Variants in NGEF observed in about 807,000 individuals in gnomAD.
NGEF encodes neuronal guanine nucleotide exchange factor.
A neutral mutation model predicts 80.9 loss-of-function variants in NGEF; 31 were observed. The observed-to-expected ratio is 0.38, with a 90% CI of 0.29 to 0.52. NGEF has a LOEUF of 0.52. Among genes scored for constraint, NGEF ranks in the 20% least tolerant of loss-of-function variants. The pLI, the probability that NGEF is intolerant of heterozygous loss-of-function variation, is 0.84. For missense variants in NGEF, 709 were observed against 926.2 expected, an observed-to-expected ratio of 0.77 and a Z score of 3.04; for synonymous variants, 371 against 370.2, an observed-to-expected ratio of 1.00 and a Z score of -0.03.
At chr2:232,884,180 C>T in intron 10 of NGEF, 36 bp from the exon 11 acceptor site, 2 of 1,539,346 alleles carry the variant, frequency 1.3e-6, no homozygotes, top group Non-Finnish European at 1.7e-6. Context: ...AGGCTGTGCC[C>T]ACAATGTCCC....
At chr2:232,928,464 G>A (rs1352331437) in intron 3 of NGEF, among the ~76,000 whole-genome samples, 1 of 151,812 alleles carries the variant, frequency 6.6e-6, no homozygotes, top group Non-Finnish European at 1.5e-5. Flanking sequence ...GCCACCCTCG[G>A]CTCCCCAGTG....
chr2:232,930,131 C>A (rs138046525), intron 3 of NGEF, among the ~76,000 whole-genome samples: 1 of 152,084 alleles, frequency 6.6e-6, no homozygotes, highest in South Asian at 2.1e-4. Context: ...CGGAGTAATA[C>A]AGGGTGTCAT....
chr2:232,941,661 A>T (rs890849992), intron 3 of NGEF, among the ~76,000 whole-genome samples: 10 of 152,220 alleles, frequency 6.6e-5, no homozygotes, highest in Admixed American at 6.5e-4. Context: ...TTTAAGAAAC[A>T]ACATCAATCC....
At chr2:232,886,439 C>T (rs183966295) in intron 9 of NGEF, among the ~76,000 whole-genome samples, 3 of 151,978 alleles carry the variant, frequency 2.0e-5, no homozygotes, top group Admixed American at 6.6e-5. Flanking sequence ...GTGTGCCCTG[C>T]GAGTGTGCTG....
chr2:232,899,544 G>A (rs1359146467), intron 5 of NGEF, among the ~76,000 whole-genome samples: 2 of 151,862 alleles, frequency 1.3e-5, no homozygotes, highest in Non-Finnish European at 2.9e-5. Flanking sequence ...TCATATACAT[G>A]TTCACTCACA....
At chr2:232,943,240 T>TA (rs531440463) in intron 3 of NGEF, among the ~76,000 whole-genome samples, 2,657 of 145,470 alleles carry the variant, frequency 0.018, 29 homozygotes, top group African/African-American at 0.022. Flanking sequence ...CATTTGTTCT[T>TA]AAAAAAAAAA....
intron 5 of NGEF, among the ~76,000 whole-genome samples, chr2:232,906,653 GCCCGGCCACCACCCCATC>G (rs1692560156): frequency 1.1e-5 from 1 of 90,740 alleles, no homozygotes; most frequent in Non-Finnish European, 2.4e-5. Flanking sequence ...GAGCCCCTCT[GCCCGGCCACCACCCCATC>G]TGGGAGGTGT....
At chr2:232,971,108 G>C (rs1225935122) in intron 2 of NGEF, among the ~76,000 whole-genome samples, 3 of 152,178 alleles carry the variant, frequency 2.0e-5, no homozygotes, top group African/African-American at 7.2e-5. Flanking sequence ...GATCTGCTGT[G>C]ATTTTGAAGG....
At chr2:232,985,938 C>CA (rs397873909) in intron 1 of NGEF, among the ~76,000 whole-genome samples, 1,185 of 116,540 alleles carry the variant, frequency 0.01, 15 homozygotes, top group African/African-American at 0.037. Context: ...AGACTCCGTC[C>CA]AAAAAAAAAA....
intron 3 of NGEF, chr2:232,927,897 C>A: frequency 7.7e-7 from 1 of 1,303,006 alleles, no homozygotes; most frequent in Non-Finnish European, 9.7e-7. Flanking sequence ...CCTCACCTGC[C>A]GGGCAGGTGT....
chr2:232,940,998 G>T (rs916110382), intron 3 of NGEF, among the ~76,000 whole-genome samples: 2 of 151,620 alleles, frequency 1.3e-5, no homozygotes, highest in African/African-American at 2.4e-5. Flanking sequence ...CTGGCTGTGC[G>T]GGAGACCAGA....
intron 5 of NGEF, among the ~76,000 whole-genome samples, chr2:232,899,844 TCA>T (rs759015559): frequency 0.014 from 1,415 of 103,850 alleles, 26 homozygotes; most frequent in African/African-American, 0.047. Flanking sequence ...TCACATTCAC[TCA>T]CACACACACG....
chr2:232,945,942 CA>C (rs1436428522), intron 3 of NGEF, among the ~76,000 whole-genome samples: 2 of 151,778 alleles, frequency 1.3e-5, no homozygotes, highest in African/African-American at 4.8e-5. Flanking sequence ...TATAGCAGCA[CA>C]ATTCGCAATT....
In NGEF at chr2:232,917,846, G is replaced by A. The variant is rs963227489; in HGVS notation, c.828+2438C>T. 7.9e-5 allele frequency among the ~76,000 whole-genome samples: 12 copies of A among 151,394 alleles called. 1 individual carries two copies. The East Asian group carries it at 1.4e-3, about 17-fold the overall frequency. On this transcript the variant is annotated intron_variant, in intron 5 of 14. Coordinates refer to ENST00000264051, the MANE Select transcript of NGEF (RefSeq NM_019850.3). ...CGGAGGGCAGTGGCACCATCTCGGC[G>A]CACTGCAACCTCCACCTCCTGGGTT...
intron 5 of NGEF, among the ~76,000 whole-genome samples, chr2:232,898,342 C>A (rs563128053): frequency 6.6e-6 from 1 of 152,304 alleles, no homozygotes; most frequent in South Asian, 2.1e-4. Flanking sequence ...GATCTTCTGG[C>A]CGACAGCATC....
At position 232,943,542 on chromosome 2, in the gene NGEF, C is replaced by T. The variant is rs568015409; in HGVS notation, c.384-16356G>A. ...ACGGAGTCTCACTCTGTCGCCCAGG[C>T]TGGAGTGCAGTGGCGCGATCTCGGC... On this transcript the variant is annotated intron_variant, in intron 3 of 14. Coordinates refer to ENST00000264051, the MANE Select transcript of NGEF (RefSeq NM_019850.3). 2.6e-3 allele frequency among the ~76,000 whole-genome samples: 330 copies of T among 128,520 alleles called. 3 individuals carry two copies. The highest frequency in any genetic ancestry group is 6.0e-3 in the South Asian group (23 of 3,806). 84.3% of individuals were successfully genotyped at this position (128,520 alleles called of 152,430 possible). A position where few individuals can be genotyped will look rare whatever the true frequency, so the allele number is the denominator to read the frequency against.
chr2:232,920,190 A>G (rs1692906875), intron 5 of NGEF, 94 bp downstream of exon 5: 1 of 1,237,248 alleles, frequency 8.1e-7, no homozygotes, highest in African/African-American at 1.5e-5. Flanking sequence ...TGAACCAGCC[A>G]GGGAACCTCA....
intron 4 of NGEF, among the ~76,000 whole-genome samples, chr2:232,926,252 A>T (rs1431015364): frequency 6.6e-6 from 1 of 152,168 alleles, no homozygotes; most frequent in Non-Finnish European, 1.5e-5. Flanking sequence ...AGACTTCTGG[A>T]ACCATTTTCA....
At position 232,879,238 on chromosome 2, in the gene NGEF, G is replaced by A. The variant is rs1403754473; in HGVS notation, c.*251C>T. ...ACCCCCTCGGAGGCATGAGGGAGGT[G>A]GTGTAATACTGCTGAAACCTTCTTG... is the stretch of plus-strand genomic sequence containing the variant. On this transcript the variant is annotated 3_prime_UTR_variant, in exon 15 of 15. Transcript: ENST00000264051. 2 of 435,858 alleles carry A rather than the reference G, an allele frequency of 4.6e-6. No homozygotes were observed. The highest frequency in any genetic ancestry group is 3.5e-5 in the East Asian group (1 of 28,474). 27.0% of individuals were successfully genotyped at this position (435,858 alleles called of 1,614,324 possible). A position where few individuals can be genotyped will look rare whatever the true frequency, so the allele number is the denominator to read the frequency against.
Sources: allele counts gnomAD v4.1 joint callset (sites outside exome capture counted in the v4.1 genomes callset), GRCh38; gene constraint gnomAD v4.1.1; transcripts MANE v1.5; gene names NCBI Gene and HGNC (gene_info 2026-07-23, HGNC 2026-07-21).